The following HHLA2 variants were observed in gnomAD, a reference collection of about 807,000 sequenced individuals.
HHLA2 encodes the protein HHLA2 member of B7 family.
HHLA2 carries 48 observed loss-of-function variants against 45.9 expected under a neutral mutation model. The observed-to-expected ratio is 1.05, with a 90% CI of 0.83 to 1.33. The LOEUF (loss-of-function observed/expected upper bound fraction) is 1.33, where lower values mean the gene tolerates loss of function less well. HHLA2 is among the 40% of genes most tolerant of loss of function. The pLI is 0.00. For missense variants in HHLA2, 462 were observed against 494.3 expected, an observed-to-expected ratio of 0.93 and a Z score of 0.62; for synonymous variants, 161 against 173.9, an observed-to-expected ratio of 0.93 and a Z score of 0.59.
chr3:108,343,315 A>G (rs924897051), intron 3 of HHLA2, among the ~76,000 whole-genome samples: 1 of 152,226 alleles, frequency 6.6e-6, no homozygotes, highest in African/African-American at 2.4e-5. Context: ...TCTGAGCACC[A>G]AAAACTCACT....
chr3:108,348,460 A>G (rs1446717982), intron 3 of HHLA2, among the ~76,000 whole-genome samples: 1 of 152,220 alleles, frequency 6.6e-6, no homozygotes, highest in African/African-American at 2.4e-5. Context: ...ACAGCTATTT[A>G]GACAATTATT....
chr3:108,358,888 G>A (rs2081943523), intron 7 of HHLA2, among the ~76,000 whole-genome samples: 1 of 152,164 alleles, frequency 6.6e-6, no homozygotes, highest in South Asian at 2.1e-4. Context: ...TGAAAATTAG[G>A]AGGAATAACA....
intron 8 of HHLA2, among the ~76,000 whole-genome samples, chr3:108,367,895 C>T (rs1319708506): frequency 6.6e-6 from 1 of 152,054 alleles, no homozygotes; most frequent in Admixed American, 6.6e-5. Context: ...AACCCCAAGA[C>T]ACATAATTGT....
chr3:108,358,090 A>G, exon 7 of HHLA2: 1 of 1,613,700 alleles, frequency 6.2e-7, no homozygotes, highest in Non-Finnish European at 8.5e-7. Flanking sequence ...AATCTTTCAG[A>G]CAGTGGGGAA....
At chr3:108,354,299 C>T (rs547378315) in intron 5 of HHLA2, among the ~76,000 whole-genome samples, 46 of 151,964 alleles carry the variant, frequency 3.0e-4, no homozygotes, top group African/African-American at 1.0e-3. Flanking sequence ...ATAGTTAATA[C>T]ATACAGTTAT....
chr3:108,346,707 TATTGTGAAGTACACATAC>T (rs1354945818), intron 3 of HHLA2, among the ~76,000 whole-genome samples: 7 of 152,338 alleles, frequency 4.6e-5, no homozygotes, highest in African/African-American at 1.7e-4. Context: ...TACAACATGA[TATTGTGAAGTACACATAC>T]ATTGTGAAAT....
chr3:108,317,725 C>T (rs1027895648), intron 2 of HHLA2, among the ~76,000 whole-genome samples: 8 of 151,904 alleles, frequency 5.3e-5, no homozygotes, highest in Non-Finnish European at 1.2e-4. Flanking sequence ...CAGGCACGCA[C>T]CACCACAGCT....
chr3:108,319,273 T>C (rs1230601681), intron 2 of HHLA2, among the ~76,000 whole-genome samples: 1 of 152,134 alleles, frequency 6.6e-6, no homozygotes, highest in Non-Finnish European at 1.5e-5. Flanking sequence ...TAGAGTCATA[T>C]GACTTTGGCA....
At chr3:108,371,196 T>A (rs900757742) in intron 8 of HHLA2, among the ~76,000 whole-genome samples, 1 of 152,200 alleles carries the variant, frequency 6.6e-6, no homozygotes, top group African/African-American at 2.4e-5. Context: ...GAAAAGAATT[T>A]TCAACCAGAA....
At chr3:108,318,488 G>A (rs917743544) in intron 2 of HHLA2, among the ~76,000 whole-genome samples, 2 of 152,144 alleles carry the variant, frequency 1.3e-5, no homozygotes, top group Non-Finnish European at 2.9e-5. Context: ...TAATTCACCA[G>A]TTATATTGGA....
Position 108,370,069 on chromosome 3 carries a change from G to T in HHLA2, c.1109-5681G>T, listed in dbSNP as rs575980561. ...TAACTGGGGGGAACCCCCAGTAGGG[G>T]CGGACTCACACCTCACACGGCCGGG... On this transcript the variant is annotated intron_variant, in intron 8 of 10. Transcript: ENST00000619531. 2.0e-5 allele frequency among the ~76,000 whole-genome samples: 3 copies of T among 152,354 alleles called. No individual in the cohort carries two copies. The East Asian group carries it at 5.8e-4, about 29-fold the overall frequency.
chr3:108,353,641 C>G (rs748266514), exon 5 of HHLA2: 1 of 1,613,646 alleles, frequency 6.2e-7, no homozygotes, highest in East Asian at 2.2e-5. Context: ...ACAGGACATC[C>G]CTTTTCTATA....
chr3:108,375,065 G>T (rs2082248059), intron 8 of HHLA2, among the ~76,000 whole-genome samples: 1 of 150,372 alleles, frequency 6.7e-6, no homozygotes, highest in African/African-American at 2.5e-5. Flanking sequence ...CAATAGCAAA[G>T]ACTTGGAACC....
chr3:108,331,312 CA>C (rs927045422), intron 3 of HHLA2, among the ~76,000 whole-genome samples: 2 of 151,906 alleles, frequency 1.3e-5, no homozygotes, highest in East Asian at 1.9e-4. Context: ...TTTTCAAAAT[CA>C]AAAAAAGTTG....
At position 108,320,867 on chromosome 3, in the gene HHLA2, G is replaced by A. The variant is rs189180020; in HGVS notation, c.-104-7403G>A. Among the ~76,000 whole-genome samples the A allele has an allele frequency of 2.0e-5, 3 of 152,126 alleles. No homozygotes were observed. In the South Asian group the frequency reaches 6.2e-4, roughly 32 times the overall value. Reference sequence around the variant, plus strand: ...GTAATGCAAAGCAGGTACTAACCACGTGATCAGTGGGAGTGGCATGAATTA... The same window carrying A: ...GTAATGCAAAGCAGGTACTAACCACATGATCAGTGGGAGTGGCATGAATTA... On this transcript the variant is annotated intron_variant, in intron 2 of 10. Coordinates refer to ENST00000619531, the Ensembl canonical transcript of HHLA2.
chr3:108,313,946 C>T (rs1277288088), intron 2 of HHLA2, among the ~76,000 whole-genome samples: 4 of 152,148 alleles, frequency 2.6e-5, no homozygotes, highest in African/African-American at 4.8e-5. Context: ...CTCCAGACCC[C>T]AACTAAGTCC....
exon 6 of HHLA2, chr3:108,355,177 G>A (rs751589802): frequency 1.5e-5 from 24 of 1,613,524 alleles, no homozygotes; most frequent in Admixed American, 5.0e-5. Context: ...AATATGCAGC[G>A]TGTTAAGTGT....
At chr3:108,323,322 C>G (rs926850939) in intron 2 of HHLA2, among the ~76,000 whole-genome samples, 4 of 151,822 alleles carry the variant, frequency 2.6e-5, no homozygotes, top group Admixed American at 2.0e-4. Flanking sequence ...GGATGGATAC[C>G]CCTATTCTCC....
rs531622401 is a variant in HHLA2 at position 108,309,555 on chromosome 3, G to T, written c.-191-1100G>T. Among the ~76,000 whole-genome samples the T allele has an allele frequency of 5.9e-5, 9 of 152,174 alleles. No individual in the cohort carries two copies. In the South Asian group the frequency reaches 1.0e-3, roughly 18 times the overall value. On this transcript the variant is annotated intron_variant, in intron 1 of 10. Coordinates refer to ENST00000619531, the Ensembl canonical transcript of HHLA2. ...TTTTTGTTTTTTTGTGACCTTGACA[G>T]TTTTGAGGTATAATGCTCAGGTAAT...
Sources: gnomAD v4.1 joint callset for allele counts (sites outside exome capture counted in the v4.1 genomes callset) on GRCh38, gnomAD v4.1.1 for gene constraint, MANE v1.5 for transcripts, NCBI Gene and HGNC (gene_info 2026-07-23, HGNC 2026-07-21) for gene names.